Variants in ADGRL2 observed in about 807,000 individuals in gnomAD.
ADGRL2 encodes adhesion G protein-coupled receptor L2, also known as calcium-independent alpha-latrotoxin receptor 2.
A neutral mutation model predicts 157.4 loss-of-function variants in ADGRL2; 44 were observed. The observed-to-expected ratio is 0.28, with a 90% CI of 0.22 to 0.36. ADGRL2 has a LOEUF of 0.36. Ranked by LOEUF, ADGRL2 falls within the 10% of genes least tolerant of loss-of-function variation. The pLI is 1.00. For missense variants in ADGRL2, 1,510 were observed against 1,768.9 expected, an observed-to-expected ratio of 0.85 and a Z score of 2.63; for synonymous variants, 585 against 624.7, an observed-to-expected ratio of 0.94 and a Z score of 0.95.
intron 2 of ADGRL2, among the ~76,000 whole-genome samples, chr1:81,475,764 G>A (rs2101891079): frequency 6.6e-6 from 1 of 152,246 alleles, no homozygotes; most frequent in East Asian, 1.9e-4. Context: ...GACACAAAGA[G>A]TAGGGATATC....
intron 1 of ADGRL2, among the ~76,000 whole-genome samples, chr1:81,725,936 T>A (rs1452337206): frequency 6.6e-6 from 1 of 152,148 alleles, no homozygotes; most frequent in Non-Finnish European, 1.5e-5. Context: ...TGAGCCGAGA[T>A]GGCTCCACTG....
At chr1:81,737,129 C>T (rs370468267) in intron 1 of ADGRL2, among the ~76,000 whole-genome samples, 8 of 152,146 alleles carry the variant, frequency 5.3e-5, no homozygotes, top group East Asian at 1.9e-4. Flanking sequence ...CCACCATGCC[C>T]GGCCAACTCC....
At chr1:81,763,547 C>A (rs2085977855) in intron 2 of ADGRL2, among the ~76,000 whole-genome samples, 1 of 147,942 alleles carries the variant, frequency 6.8e-6, no homozygotes, top group Non-Finnish European at 1.5e-5. Context: ...CAAGACTGCA[C>A]CATTGCACTC....
At chr1:81,438,504 G>A (rs892645605) in intron 1 of ADGRL2, among the ~76,000 whole-genome samples, 1 of 151,978 alleles carries the variant, frequency 6.6e-6, no homozygotes, top group Admixed American at 6.6e-5. Flanking sequence ...ATCTCTTCCC[G>A]AGTCTGCATT....
chr1:81,801,548 T>C (rs1033274072), intron 1 of ADGRL2, among the ~76,000 whole-genome samples: 1 of 152,192 alleles, frequency 6.6e-6, no homozygotes, highest in Non-Finnish European at 1.5e-5. Context: ...CTGCTGTGTG[T>C]GGCGTGGCTC....
intron 2 of ADGRL2, among the ~76,000 whole-genome samples, chr1:81,471,278 A>G (rs986008341): frequency 6.6e-6 from 1 of 152,218 alleles, no homozygotes; most frequent in African/African-American, 2.4e-5. Flanking sequence ...CATTTAACAT[A>G]TCAATACAAA....
chr1:81,775,208 C>T (rs920389895), intron 2 of ADGRL2, among the ~76,000 whole-genome samples: 1 of 151,926 alleles, frequency 6.6e-6, no homozygotes, highest in Non-Finnish European at 1.5e-5. Flanking sequence ...AAATTGAAAA[C>T]TTAATACTCT....
intron 3 of ADGRL2, among the ~76,000 whole-genome samples, chr1:81,920,738 A>G (rs1193225429): frequency 6.6e-6 from 1 of 151,774 alleles, no homozygotes; most frequent in African/African-American, 2.4e-5. Flanking sequence ...TTCTAAGAGC[A>G]CTCCCAATAA....
In ADGRL2 at chr1:81,436,338, G is replaced by T. The variant is rs189550121; in HGVS notation, c.-301-8698G>T. ...ACTTACAAATATAGGACTCACTGAC[G>T]GGTTTGATACCAGATAGGTGGCAAC... On this transcript the variant is annotated intron_variant, in intron 1 of 24. Transcript: ENST00000370721. 6.1e-4 allele frequency among the ~76,000 whole-genome samples: 93 copies of T among 152,258 alleles called. 1 individual carries two copies. Among genetic ancestry groups the T allele is most frequent in the African/African-American group, 2.1e-3 (89 of 41,548 alleles).
chr1:81,699,002 C>T (rs575998162), upstream of ADGRL2, among the ~76,000 whole-genome samples: 77 of 152,174 alleles, frequency 5.1e-4, no homozygotes, highest in Admixed American at 4.2e-3. Context: ...TCCTATTATC[C>T]TTTTCTCTTT....
intron 2 of ADGRL2, among the ~76,000 whole-genome samples, chr1:81,519,861 A>G (rs1298276205): frequency 6.6e-6 from 1 of 152,182 alleles, no homozygotes; most frequent in Non-Finnish European, 1.5e-5. Context: ...AAGATAAATC[A>G]AGAATAGTCC....
At chr1:81,440,032 T>C (rs1361836226) in intron 1 of ADGRL2, among the ~76,000 whole-genome samples, 3 of 152,182 alleles carry the variant, frequency 2.0e-5, no homozygotes, top group Non-Finnish European at 4.4e-5. Flanking sequence ...GAGTGCATGC[T>C]GATTGGGTTT....
intron 2 of ADGRL2, chr1:81,505,008 A>G (rs2078940676): frequency 2.6e-6 from 1 of 380,310 alleles, no homozygotes. Flanking sequence ...CCACTGTGAC[A>G]TGGGGCTGTG....
intron 2 of ADGRL2, among the ~76,000 whole-genome samples, chr1:81,476,452 A>G (rs112572442): frequency 1.7e-4 from 26 of 152,308 alleles, no homozygotes; most frequent in African/African-American, 6.3e-4. Context: ...AAGATGGATT[A>G]TATTTACCAA....
chr1:81,860,257 C>T (rs2093348066), intron 2 of ADGRL2, among the ~76,000 whole-genome samples: 1 of 152,018 alleles, frequency 6.6e-6, no homozygotes, highest in African/African-American at 2.4e-5. Context: ...AAACACTTGA[C>T]TGGTATTCTA....
At chr1:81,872,715 CAT>C (rs1229245393) in intron 2 of ADGRL2, among the ~76,000 whole-genome samples, 1 of 152,004 alleles carries the variant, frequency 6.6e-6, no homozygotes, top group East Asian at 1.9e-4. Flanking sequence ...TCTAAAAAGT[CAT>C]TGCCAAGAGA....
At chr1:81,433,260 C>T (rs531126392) in intron 1 of ADGRL2, among the ~76,000 whole-genome samples, 1 of 152,244 alleles carries the variant, frequency 6.6e-6, no homozygotes, top group South Asian at 2.1e-4. Flanking sequence ...GAATAATTCT[C>T]ATAATTTTAC....
chr1:81,729,940 A>G (rs2084663993), intron 1 of ADGRL2, among the ~76,000 whole-genome samples: 1 of 152,238 alleles, frequency 6.6e-6, no homozygotes, highest in Non-Finnish European at 1.5e-5. Context: ...AATATGCATG[A>G]CATGACAGCC....
chr1:81,501,091 T>C (rs1234720234), intron 2 of ADGRL2, among the ~76,000 whole-genome samples: 1 of 152,220 alleles, frequency 6.6e-6, no homozygotes, highest in Non-Finnish European at 1.5e-5. Context: ...AAAGTACTCA[T>C]TAGTACCATA....
Sources: gnomAD v4.1 joint callset for allele counts (sites outside exome capture counted in the v4.1 genomes callset) on GRCh38, gnomAD v4.1.1 for gene constraint, MANE v1.5 for transcripts, NCBI Gene and HGNC (gene_info 2026-07-23, HGNC 2026-07-21) for gene names.